The following MTERF4 variants were observed in gnomAD, a reference collection of about 807,000 sequenced individuals.
MTERF4 encodes transcription termination factor 4, mitochondrial.
In MTERF4, 17 loss-of-function variants were observed where a neutral mutation model predicts 22.5. That is an observed-to-expected ratio of 0.75 (90% CI 0.52 to 1.13). The LOEUF (loss-of-function observed/expected upper bound fraction) is 1.13, where lower values mean the gene tolerates loss of function less well. Among genes scored for constraint, MTERF4 ranks in the 50% most tolerant of loss-of-function variants. MTERF4 has a pLI of 0.00. For missense variants in MTERF4, 420 were observed against 466.8 expected, an observed-to-expected ratio of 0.90 and a Z score of 0.92; for synonymous variants, 165 against 175.3, an observed-to-expected ratio of 0.94 and a Z score of 0.47.
chr2:241,052,589 G>C, the MTERF4 span: 6,482 of 779,246 alleles, frequency 8.3e-3, 168 homozygotes, highest in South Asian at 0.025. Flanking sequence ...GGGCCAGGGG[G>C]CCAAGCAGGA....
chr2:241,068,891 T>C, downstream of MTERF4: 1 of 1,510,596 alleles, frequency 6.6e-7, no homozygotes, highest in Non-Finnish European at 9.0e-7. This position sits in a 1 kb window ranked among gnomAD's most constrained non-coding sequence, Gnocchi z 5.3. Flanking sequence ...TGTTCTCTCT[T>C]TGTCACCTCC....
the MTERF4 span, chr2:241,064,141 TGCCTGCTCCCCGCCCTCTGCCC>T: frequency 2.5e-5 from 37 of 1,488,508 alleles, no homozygotes; most frequent in South Asian, 1.2e-4. This position sits in a 1 kb window ranked among gnomAD's most constrained non-coding sequence, Gnocchi z 7.0. Context: ...GCGGCAGGCC[TGCCTGCTCCCCGCCCTCTGCCC>T]GCCTGCTCCC....
chr2:241,098,592 C>A (rs1266639706), intron 2 of MTERF4, among the ~76,000 whole-genome samples: 2 of 152,166 alleles, frequency 1.3e-5, no homozygotes, highest in African/African-American at 4.8e-5. Flanking sequence ...AAGGCCACTC[C>A]ACGAGTATCC....
At chr2:241,065,082 G>C in the MTERF4 span, 1 of 853,146 alleles carries the variant, frequency 1.2e-6, no homozygotes, top group Non-Finnish European at 1.8e-6. Context: ...CTGAGGAACA[G>C]GGAGGGGATA....
downstream of MTERF4, chr2:241,071,599 C>T (rs528746195): frequency 2.3e-5 from 36 of 1,588,382 alleles, no homozygotes; most frequent in South Asian, 3.4e-5. Context: ...CGCTGACAGA[C>T]GCTGGCACCA....
downstream of MTERF4, among the ~76,000 whole-genome samples, chr2:241,083,479 C>T (rs376361981): frequency 1.3e-5 from 2 of 152,252 alleles, no homozygotes; most frequent in African/African-American, 4.8e-5. Context: ...GGGATGTAGA[C>T]GGGCAAGGGT....
chr2:241,082,236 G>A (rs535587569), downstream of MTERF4: 106 of 1,526,984 alleles, frequency 6.9e-5, no homozygotes, highest in South Asian at 6.5e-4. Flanking sequence ...AGGAGGAGCC[G>A]TCAGGAGCAC....
downstream of MTERF4, chr2:241,090,282 G>T: frequency 6.5e-7 from 1 of 1,545,634 alleles, no homozygotes; most frequent in African/African-American, 1.4e-5. Context: ...GCCTACACAG[G>T]GGCAGGATCA....
chr2:241,057,653 C>T, the MTERF4 span, among the ~76,000 whole-genome samples: 1 of 151,928 alleles, frequency 6.6e-6, no homozygotes, highest in African/African-American at 2.4e-5. Context: ...CACTGCCCTC[C>T]AGCCTGGGTG....
At chr2:241,094,774 T>A (rs914444086), downstream of MTERF4, 12 of 167,878 alleles carry the variant, frequency 7.1e-5, no homozygotes, top group African/African-American at 2.9e-4. The surrounding 1 kb of genome is among the most constrained non-coding windows in gnomAD (Gnocchi z 4.3). Context: ...TCCTACAATC[T>A]ACCAGATCCT....
At chr2:241,064,068 G>A in the MTERF4 span, 15 of 1,570,198 alleles carry the variant, frequency 9.6e-6, no homozygotes, top group Admixed American at 1.8e-5. This position sits in a 1 kb window ranked among gnomAD's most constrained non-coding sequence, Gnocchi z 7.0. Context: ...TGAGAGCGGC[G>A]GCGGGGCCTA....
the MTERF4 span, chr2:241,053,079 C>T: frequency 5.6e-6 from 8 of 1,428,590 alleles, no homozygotes; most frequent in Non-Finnish European, 6.7e-6. Context: ...GCAGTCGGGT[C>T]GGGCAGAGGC....
chr2:241,081,140 C>G (rs1490386977), intron 4 of MTERF4, among the ~76,000 whole-genome samples: 1 of 152,254 alleles, frequency 6.6e-6, no homozygotes, highest in Non-Finnish European at 1.5e-5. Flanking sequence ...ACACGCATCC[C>G]TGGGCAGCAG....
At chr2:241,064,954 A>G in the MTERF4 span, 1 of 1,579,074 alleles carries the variant, frequency 6.3e-7, no homozygotes, top group Non-Finnish European at 8.6e-7. This position sits in a 1 kb window ranked among gnomAD's most constrained non-coding sequence, Gnocchi z 7.0. Flanking sequence ...GGACTGCGCC[A>G]AAGGTGGGTG....
downstream of MTERF4, chr2:241,071,744 C>G: frequency 5.8e-6 from 9 of 1,539,158 alleles, no homozygotes; most frequent in South Asian, 1.2e-5. Context: ...CCATCGGCCC[C>G]ATCGCCCGAG....
chr2:241,065,684 C>A, the MTERF4 span: 1 of 1,123,536 alleles, frequency 8.9e-7, no homozygotes, highest in South Asian at 1.5e-5. Flanking sequence ...GGCTGTCATG[C>A]CGTCCACCCT....
At chr2:241,065,818 T>C in the MTERF4 span, among the ~76,000 whole-genome samples, 15 of 151,880 alleles carry the variant, frequency 9.9e-5, no homozygotes, top group South Asian at 2.1e-4. Context: ...TTGGGGCGCA[T>C]AGAATCGAGC....
intron 4 of MTERF4, among the ~76,000 whole-genome samples, chr2:241,079,001 C>G (rs937943966): frequency 1.8e-4 from 27 of 150,918 alleles, no homozygotes; most frequent in African/African-American, 6.6e-4. Flanking sequence ...ATAATCCCAG[C>G]TATTCAGGAG....
At chr2:241,093,136 C>G (rs948940136), downstream of MTERF4, 5 of 152,572 alleles carry the variant, frequency 3.3e-5, no homozygotes, top group African/African-American at 1.2e-4. Context: ...GAAGTTTCAC[C>G]TGTACTCCCG....
Sources: gnomAD v4.1 joint callset for allele counts (sites outside exome capture counted in the v4.1 genomes callset) on GRCh38, gnomAD v4.1.1 for gene constraint, Gnocchi (gnomAD v3.1) non-coding constraint, MANE v1.5 for transcripts, NCBI Gene and HGNC (gene_info 2026-07-23, HGNC 2026-07-21) for gene names.